Variants in NAALADL2 observed in about 807,000 individuals in gnomAD.
The protein encoded by NAALADL2 is inactive N-acetylated-alpha-linked acidic dipeptidase-like protein 2.
In NAALADL2, 76 loss-of-function variants were observed where a neutral mutation model predicts 87.2. The observed-to-expected ratio is 0.87, with a 90% CI of 0.72 to 1.05. The LOEUF is 1.05. NAALADL2 is among the 50% of genes least tolerant of loss of function. The probability of loss-of-function intolerance (pLI) is 0.00; values close to 1 mark genes in which losing one functional copy is unlikely to be tolerated. For missense variants in NAALADL2, 1,089 were observed against 945.8 expected (o/e 1.15, Z -1.99); for synonymous variants, 354 against 331.0 (o/e 1.07, Z -0.75).
intron 3 of NAALADL2, among the ~76,000 whole-genome samples, chr3:174,761,804 C>T (rs1262956092): frequency 2.8e-5 from 4 of 145,436 alleles, no homozygotes; most frequent in Non-Finnish European, 6.0e-5. Context: ...GTTCTCCTTC[C>T]TGTGTCCACG....
intron 1 of NAALADL2, among the ~76,000 whole-genome samples, chr3:174,940,880 G>T (rs1019052049): frequency 2.0e-5 from 3 of 151,188 alleles, no homozygotes; most frequent in Non-Finnish European, 4.4e-5. Context: ...TTCTAATTGT[G>T]TTTATTTGGA....
At chr3:175,088,264 G>A (rs1719430074) in intron 1 of NAALADL2, among the ~76,000 whole-genome samples, 1 of 152,124 alleles carries the variant, frequency 6.6e-6, no homozygotes. Context: ...TTAAAGAATA[G>A]ATTTTCAGAA....
chr3:174,651,868 A>T (rs1418868752), intron 2 of NAALADL2, among the ~76,000 whole-genome samples: 1 of 152,192 alleles, frequency 6.6e-6, no homozygotes, highest in Non-Finnish European at 1.5e-5. Flanking sequence ...ATATGGAAAG[A>T]TTAAAATCCT....
intron 10 of NAALADL2, among the ~76,000 whole-genome samples, chr3:175,593,316 T>C (rs989159615): frequency 6.6e-6 from 1 of 152,196 alleles, no homozygotes; most frequent in East Asian, 1.9e-4. Flanking sequence ...AAGCAGGTAA[T>C]GCCTTGAAGT....
intron 3 of NAALADL2, among the ~76,000 whole-genome samples, chr3:174,814,104 TA>T (rs1720519389): frequency 6.6e-6 from 1 of 151,880 alleles, no homozygotes; most frequent in Non-Finnish European, 1.5e-5. Context: ...TTTATTTATT[TA>T]TTTTTATTTA....
intron 1 of NAALADL2, among the ~76,000 whole-genome samples, chr3:175,042,923 C>T (rs1400403006): frequency 6.6e-6 from 1 of 151,962 alleles, no homozygotes. Flanking sequence ...AGTTCAGACC[C>T]ATGAGAGTTG....
At chr3:174,475,097 A>G (rs1717137548) in intron 1 of NAALADL2, among the ~76,000 whole-genome samples, 1 of 151,936 alleles carries the variant, frequency 6.6e-6, no homozygotes, top group African/African-American at 2.4e-5. Flanking sequence ...ATTCTTACCT[A>G]AATGATTAGA....
At chr3:175,591,961 A>G (rs1212572742) in intron 10 of NAALADL2, among the ~76,000 whole-genome samples, 5 of 151,980 alleles carry the variant, frequency 3.3e-5, no homozygotes, top group Non-Finnish European at 7.4e-5. Flanking sequence ...GGCTGTAGCT[A>G]TCAAATGATA....
rs959461640 is a variant in NAALADL2 at position 175,350,888 on chromosome 3, C to CT, written c.1090+26572dup. Among the ~76,000 whole-genome samples, 29 of 151,616 alleles carry CT rather than the reference C, an allele frequency of 1.9e-4. 1 individual carries two copies. The highest frequency in any genetic ancestry group is 3.9e-4 in the African/African-American group (16 of 41,358). On this transcript the variant is annotated intron_variant, in intron 5 of 13. Transcript: ENST00000454872. ...AAATTATCTCTGCTAAGAATTCAAT[C>CT]TTTTTTTTTCTCAAATGGATACTTT...
intron 1 of NAALADL2, among the ~76,000 whole-genome samples, chr3:174,942,366 C>G (rs936803001): frequency 6.6e-6 from 1 of 152,144 alleles, no homozygotes; most frequent in African/African-American, 2.4e-5. Flanking sequence ...GGCCCCCAAT[C>G]TCTTTTTGCT....
At chr3:174,921,285 C>CT (rs2108354361) in intron 1 of NAALADL2, among the ~76,000 whole-genome samples, 2 of 152,172 alleles carry the variant, frequency 1.3e-5, no homozygotes, top group Non-Finnish European at 2.9e-5. Context: ...CAATATTTTG[C>CT]TGAAAATATG....
intron 10 of NAALADL2, among the ~76,000 whole-genome samples, chr3:175,600,853 C>A (rs1722893966): frequency 1.3e-5 from 2 of 152,052 alleles, no homozygotes; most frequent in South Asian, 4.1e-4. Flanking sequence ...TAGTCTTAAT[C>A]AAAGTTGAGC....
At chr3:174,846,752 C>T (rs1455096025) in intron 3 of NAALADL2, among the ~76,000 whole-genome samples, 1 of 152,048 alleles carries the variant, frequency 6.6e-6, no homozygotes, top group Non-Finnish European at 1.5e-5. Context: ...GGTTTGGAGT[C>T]AGCAGGATAA....
chr3:174,938,870 T>A (rs1738129524), intron 1 of NAALADL2, among the ~76,000 whole-genome samples: 1 of 151,932 alleles, frequency 6.6e-6, no homozygotes, highest in Non-Finnish European at 1.5e-5. Context: ...ATGAGGTTGT[T>A]TGTTTTTCTC....
At chr3:174,978,172 C>A (rs895842614) in intron 1 of NAALADL2, among the ~76,000 whole-genome samples, 2 of 152,186 alleles carry the variant, frequency 1.3e-5, no homozygotes, top group African/African-American at 4.8e-5. Context: ...TAAGTCTGGG[C>A]TCTTAGCACT....
intron 2 of NAALADL2, among the ~76,000 whole-genome samples, chr3:175,174,728 A>G (rs946854888): frequency 1.3e-5 from 2 of 151,990 alleles, no homozygotes; most frequent in African/African-American, 4.8e-5. Flanking sequence ...TTTGAAAACC[A>G]TGATATAACC....
At chr3:175,000,438 C>T (rs1748080697) in intron 1 of NAALADL2, among the ~76,000 whole-genome samples, 1 of 152,110 alleles carries the variant, frequency 6.6e-6, no homozygotes, top group Non-Finnish European at 1.5e-5. Flanking sequence ...GTCACGAGTA[C>T]TCAAGTCTTT....
chr3:175,512,391 A>G (rs1300627917), intron 9 of NAALADL2, among the ~76,000 whole-genome samples: 1 of 152,200 alleles, frequency 6.6e-6, no homozygotes, highest in Non-Finnish European at 1.5e-5. Flanking sequence ...TAATAAAAGA[A>G]TAACTGAACT....
intron 2 of NAALADL2, among the ~76,000 whole-genome samples, chr3:174,682,754 C>T (rs1405580087): frequency 1.3e-5 from 2 of 152,150 alleles, no homozygotes; most frequent in Non-Finnish European, 2.9e-5. Context: ...AGTCAAGACC[C>T]TTAGAATACC....
Sources: gnomAD v4.1 joint callset for allele counts (sites outside exome capture counted in the v4.1 genomes callset) on GRCh38, gnomAD v4.1.1 for gene constraint, MANE v1.5 for transcripts, NCBI Gene and HGNC (gene_info 2026-07-23, HGNC 2026-07-21) for gene names.